ECT2L: variants seen among roughly 807,000 people sequenced by gnomAD.
The protein encoded by ECT2L is epithelial cell transforming 2 like.
ECT2L carries 126 observed loss-of-function variants against 122.8 expected under a neutral mutation model. The ratio of observed to expected loss-of-function variants is 1.03; its 90% confidence interval spans 0.89 to 1.19. ECT2L has a LOEUF of 1.19. Ranked by LOEUF, ECT2L falls within the 50% of genes most tolerant of loss-of-function variation. ECT2L has a pLI of 0.00. For missense variants in ECT2L, 1,012 were observed against 1,064.1 expected (o/e 0.95, Z 0.68); for synonymous variants, 385 against 381.8 (o/e 1.01, Z -0.10).
At chr6:138,806,705 G>A (rs923706902) in intron 1 of ECT2L, among the ~76,000 whole-genome samples, 2 of 151,830 alleles carry the variant, frequency 1.3e-5, no homozygotes, top group African/African-American at 4.8e-5. Context: ...TAGAGACGGG[G>A]TTTTGCCATG....
At chr6:138,874,508 T>C (rs1480976434) in intron 13 of ECT2L, among the ~76,000 whole-genome samples, 1 of 152,114 alleles carries the variant, frequency 6.6e-6, no homozygotes, top group East Asian at 1.9e-4. Context: ...AAAATTATAT[T>C]TAAAAAAGTA....
At chr6:138,848,484 T>A (rs530400968) in intron 8 of ECT2L, among the ~76,000 whole-genome samples, 30 of 152,348 alleles carry the variant, frequency 2.0e-4, no homozygotes, top group Admixed American at 4.6e-4. Context: ...TGTATATGTA[T>A]GTATATATGT....
At chr6:138,888,605 C>T (rs1313262376) in intron 19 of ECT2L, among the ~76,000 whole-genome samples, 6 of 152,114 alleles carry the variant, frequency 3.9e-5, no homozygotes, top group Admixed American at 1.3e-4. Context: ...TGAGCCACCG[C>T]GCCCAGCCTA....
intron 9 of ECT2L, among the ~76,000 whole-genome samples, chr6:138,851,910 A>G (rs553876750): frequency 6.6e-6 from 1 of 152,280 alleles, no homozygotes; most frequent in East Asian, 1.9e-4. Context: ...TTGGCTACAG[A>G]TTTATTATAT....
chr6:138,889,457 T>C (rs548949421), intron 20 of ECT2L, among the ~76,000 whole-genome samples: 8 of 152,208 alleles, frequency 5.3e-5, no homozygotes, highest in African/African-American at 1.7e-4. Flanking sequence ...GTAGCTGAGA[T>C]TACAGGCACC....
chr6:138,799,089 G>A (rs1733063124), intron 1 of ECT2L, among the ~76,000 whole-genome samples: 1 of 152,134 alleles, frequency 6.6e-6, no homozygotes, highest in Admixed American at 6.6e-5. Context: ...CCTGATTCAC[G>A]AATCGTCCAT....
chr6:138,823,257 C>T, intron 4 of ECT2L: 5 of 1,564,080 alleles, frequency 3.2e-6, no homozygotes, highest in Admixed American at 3.9e-5. Context: ...GCTGAGCATA[C>T]CCCAGCTGGT....
At chr6:138,887,812 C>A (rs1778878960) in intron 19 of ECT2L, among the ~76,000 whole-genome samples, 1 of 152,182 alleles carries the variant, frequency 6.6e-6, no homozygotes. Context: ...ACTGGATAAA[C>A]CCCTATTCAT....
rs181427570 is a variant in ECT2L, at chr6:138,862,681, C to T, written c.1253C>T (p.Thr418Met). ...QLSQLTGTFF[T>M]APTGIATGSY... ...TCTCAACTAACTGGCACGTTCTTTA[C>T]GGCCCCCACTGGGATTGCAACTGGC... Residue 418 changes from threonine to methionine, a missense_variant, in exon 11 of 22, where the codon ACG becomes ATG. Coordinates refer to ENST00000541398, the MANE Select transcript of ECT2L (RefSeq NM_001077706.3). The T allele has an allele frequency of 1.5e-4, 248 of 1,614,104 alleles. No individual in the cohort carries two copies. The East Asian group carries it at 2.7e-3, about 17-fold the overall frequency.
chr6:138,872,363 A>T (rs1160851467), intron 13 of ECT2L, among the ~76,000 whole-genome samples: 2 of 152,344 alleles, frequency 1.3e-5, no homozygotes, highest in Non-Finnish European at 2.9e-5. Context: ...ACAGCAAAGT[A>T]AGACAGTTCC....
intron 1 of ECT2L, among the ~76,000 whole-genome samples, chr6:138,811,288 C>T (rs1339520429): frequency 6.6e-6 from 1 of 152,206 alleles, no homozygotes; most frequent in Non-Finnish European, 1.5e-5. Context: ...TTCAGTCCAA[C>T]AGAGCATGAG....
At chr6:138,821,430 C>G (rs1399204785) in intron 4 of ECT2L, among the ~76,000 whole-genome samples, 1 of 152,058 alleles carries the variant, frequency 6.6e-6, no homozygotes, top group Non-Finnish European at 1.5e-5. Context: ...TCCATTCCCT[C>G]AGATGTGTCC....
Position 138,812,934 on chromosome 6 carries a change from G to T in ECT2L, c.-147G>T. The T allele has an allele frequency of 5.0e-6, 1 of 201,812 alleles. No individual in the cohort carries two copies. The highest frequency in any genetic ancestry group is 9.8e-6 in the Non-Finnish European group (1 of 101,526). The allele number at this position is 201,812 out of a possible 1,614,324, so 12.5% of individuals were successfully genotyped here. A position where few individuals can be genotyped will look rare whatever the true frequency, so the allele number is the denominator to read the frequency against. On this transcript the variant is annotated 5_prime_UTR_variant, in exon 2 of 22. Transcript: ENST00000541398. ...TAATGCTTCCCATTTTCCCAGCAAA[G>T]TAAAAAACAACTTTTGTTTAAATTC...
chr6:138,875,177 A>C (rs549287481), intron 13 of ECT2L, among the ~76,000 whole-genome samples: 1 of 152,342 alleles, frequency 6.6e-6, no homozygotes, highest in East Asian at 1.9e-4. Flanking sequence ...CCACAAGTGC[A>C]GAGGACAAAA....
At chr6:138,856,318 C>T (rs927242554) in intron 10 of ECT2L, among the ~76,000 whole-genome samples, 2 of 151,564 alleles carry the variant, frequency 1.3e-5, no homozygotes, top group East Asian at 1.9e-4. Flanking sequence ...CGGGCTCAAG[C>T]GATTCTTCTG....
At chr6:138,818,352 AC>A (rs966115194) in intron 4 of ECT2L, among the ~76,000 whole-genome samples, 1 of 151,720 alleles carries the variant, frequency 6.6e-6, no homozygotes. Context: ...CCACTTCATT[AC>A]CCCCTCTTCC....
chr6:138,797,668 T>C (rs1453768748), intron 1 of ECT2L, among the ~76,000 whole-genome samples: 1 of 152,194 alleles, frequency 6.6e-6, no homozygotes, highest in East Asian at 1.9e-4. Context: ...AAAACTTTTT[T>C]CTCTTTACTC....
intron 20 of ECT2L, among the ~76,000 whole-genome samples, chr6:138,895,905 C>T (rs903412788): frequency 2.6e-5 from 4 of 151,894 alleles, no homozygotes; most frequent in African/African-American, 9.7e-5. Flanking sequence ...GTGTTTGCAT[C>T]CTAAATGAAA....
intron 4 of ECT2L, among the ~76,000 whole-genome samples, chr6:138,824,581 CAAAA>C (rs1491037699): frequency 8.6e-6 from 1 of 116,752 alleles, no homozygotes; most frequent in Non-Finnish European, 1.8e-5. Context: ...AAAACAAAAA[CAAAA>C]AAAACACAAA....
Sources: gnomAD v4.1 joint callset for allele counts (sites outside exome capture counted in the v4.1 genomes callset) on GRCh38, gnomAD v4.1.1 for gene constraint, MANE v1.5 for transcripts, NCBI Gene and HGNC (gene_info 2026-07-23, HGNC 2026-07-21) for gene names.